Variants in SH3PXD2B observed in about 807,000 individuals in gnomAD.
The protein encoded by SH3PXD2B is SH3 and PX domain-containing protein 2B.
A neutral mutation model predicts 73.1 loss-of-function variants in SH3PXD2B; 37 were observed. The ratio of observed to expected loss-of-function variants is 0.51; its 90% CI spans 0.39 to 0.67. The LOEUF is 0.67. Ranked by LOEUF, SH3PXD2B falls within the 30% of genes least tolerant of loss-of-function variation. The pLI, the probability that SH3PXD2B is intolerant of heterozygous loss-of-function variation, is 0.00. For missense variants in SH3PXD2B, 1,053 were observed against 1,197.8 expected (o/e 0.88, Z 1.78); for synonymous variants, 457 against 480.5 (o/e 0.95, Z 0.64).
Position 172,338,134 on chromosome 5 carries a change from A to G in SH3PXD2B, c.*235T>C, listed in dbSNP as rs147011482. 1.9e-3 allele frequency: 2,691 copies of G among 1,430,160 alleles called. 5 individuals carry two copies. The highest frequency in any genetic ancestry group is 1.7e-3 in the Non-Finnish European group (1,889 of 1,097,998). The allele number at this position is 1,430,160 out of a possible 1,614,324, so 88.6% of individuals were successfully genotyped here. A position where few individuals can be genotyped will look rare whatever the true frequency, so the allele number is the denominator to read the frequency against. On this transcript the variant is annotated 3_prime_UTR_variant, in exon 13 of 13. Coordinates refer to ENST00000311601, the MANE Select transcript of SH3PXD2B (RefSeq NM_001017995.3). The surrounding 1 kb of genome is among the most constrained non-coding windows in gnomAD (Gnocchi z 5.1). ...AAGGCAGGGATGCTGACATGGACAG[A>G]AAGCAAAGGCTGTGGGTTCTGAGCC...
At chr5:172,395,372 A>G (rs895649202) in intron 3 of SH3PXD2B, among the ~76,000 whole-genome samples, 2 of 152,086 alleles carry the variant, frequency 1.3e-5, no homozygotes, top group African/African-American at 4.8e-5. Context: ...TTCCCCAGTT[A>G]GTGTTCGTAA....
intron 1 of SH3PXD2B, among the ~76,000 whole-genome samples, chr5:172,434,908 C>G (rs1759336321): frequency 6.6e-6 from 1 of 152,030 alleles, no homozygotes; most frequent in Non-Finnish European, 1.5e-5. Flanking sequence ...CTCAGTCTCC[C>G]AAGTAGCTGG....
In SH3PXD2B at chr5:172,336,852, G is replaced by C. The variant is rs1407885713; in HGVS notation, c.*1517C>G. ...GTCATGCCTCTCCAGACCTCAGTTT[G>C]ACAGATGACCACATCTGCCCTGGGT... is the stretch of plus-strand genomic sequence containing the variant. On this transcript the variant is annotated 3_prime_UTR_variant, in exon 13 of 13. Transcript: ENST00000311601. 1.3e-5 allele frequency: 13 copies of C among 985,352 alleles called. No homozygotes were observed. The highest frequency in any genetic ancestry group is 1.6e-5 in the Non-Finnish European group (13 of 829,980). 61.0% of individuals were successfully genotyped at this position (985,352 alleles called of 1,614,324 possible).
intron 9 of SH3PXD2B, among the ~76,000 whole-genome samples, chr5:172,352,990 A>G (rs1332854643): frequency 3.9e-5 from 6 of 152,032 alleles, no homozygotes; most frequent in Admixed American, 3.3e-4. Context: ...TCTGTGTACC[A>G]AAGTCCCCAT....
intron 1 of SH3PXD2B, among the ~76,000 whole-genome samples, chr5:172,447,104 G>C (rs1759686231): frequency 6.6e-6 from 1 of 152,248 alleles, no homozygotes; most frequent in South Asian, 2.1e-4. Context: ...TTTTAAAAAT[G>C]AGCATTTGCT....
At chr5:172,394,780 T>G in intron 3 of SH3PXD2B, 141 bp from the exon 4 acceptor site, 1 of 784,536 alleles carries the variant, frequency 1.3e-6, no homozygotes, top group Non-Finnish European at 2.1e-6. Context: ...GTACCCCCAC[T>G]GGACTTCCGT....
chr5:172,332,882 T>C (rs7727527), downstream of SH3PXD2B, among the ~76,000 whole-genome samples: 97,685 of 150,526 alleles, frequency 0.65, 31,905 homozygotes, highest in South Asian at 0.84. Context: ...GCTTGGGCAG[T>C]CTCTGCGGCC....
At chr5:172,387,735 G>C (rs1202047470) in intron 4 of SH3PXD2B, among the ~76,000 whole-genome samples, 1 of 152,210 alleles carries the variant, frequency 6.6e-6, no homozygotes, top group African/African-American at 2.4e-5. Context: ...TTGTATGTGT[G>C]ACAGGATTCA....
Position 172,339,771 on chromosome 5 carries a change from G to A in SH3PXD2B, c.1334C>T (p.Thr445Ile). The A allele has an allele frequency of 1.9e-6, 3 of 1,613,232 alleles. No homozygotes were observed. Among genetic ancestry groups the A allele is most frequent in the South Asian group, 2.2e-5 (2 of 91,076 alleles). ...NFLAPLPHEV[T>I]QLRLGEAAAL... ...TGCTGCTTCCCCCAGCCGGAGCTGG[G>A]TCACCTCGTGGGGCAGGGGAGCCAG... Residue 445 changes from threonine (T) to isoleucine (I), a missense_variant, in exon 13 of 13, where the codon ACC becomes ATC. Thr to Ile is a moderately conservative substitution (Grantham distance 89). Transcript: ENST00000311601. The surrounding 1 kb of genome is among the most constrained non-coding windows in gnomAD (Gnocchi z 6.1).
In SH3PXD2B at chr5:172,412,115, C is replaced by T. The variant is rs1004666394; in HGVS notation, c.157-5763G>A. Reference sequence around the variant, plus strand: ...CACTTAGCATAAGGTCCTCAAGCTCCATCCATTTTATAGCATGTGGCAGAA... The same window carrying T: ...CACTTAGCATAAGGTCCTCAAGCTCTATCCATTTTATAGCATGTGGCAGAA... On this transcript the variant is annotated intron_variant, in intron 2 of 12. Transcript: ENST00000311601. Among the ~76,000 whole-genome samples, 3 of 152,228 alleles carry T rather than the reference C, an allele frequency of 2.0e-5. No individual in the cohort carries two copies. In the East Asian group the frequency reaches 5.8e-4, roughly 29 times the overall value.
chr5:172,386,143 G>A (rs1758055445), intron 4 of SH3PXD2B, among the ~76,000 whole-genome samples: 1 of 152,178 alleles, frequency 6.6e-6, no homozygotes. Flanking sequence ...GTGAGATTCT[G>A]GCCAAGTCTC....
rs188476901 is a variant in SH3PXD2B at position 172,344,342 on chromosome 5, C to T, written c.1188+1794G>A. 7.3e-3 allele frequency among the ~76,000 whole-genome samples: 1,110 copies of T among 152,188 alleles called. 9 individuals are homozygous for T. Among genetic ancestry groups the T allele is most frequent in the African/African-American group, 0.025 (1,045 of 41,510 alleles). ...GTGGCTCACGCCTGTAATGCCAGAA[C>T]TTTGGGAGGCCGAGGTGGGCAGATC... On this transcript the variant is annotated intron_variant, in intron 12 of 12. Transcript: ENST00000311601.
chr5:172,379,313 TAAAAAAAA>T (rs11346663), intron 5 of SH3PXD2B, among the ~76,000 whole-genome samples: 1 of 112,860 alleles, frequency 8.9e-6, no homozygotes, highest in Non-Finnish European at 1.9e-5. Context: ...TACAAAAAAT[TAAAAAAAA>T]AAAAAAAAAA....
intron 1 of SH3PXD2B, among the ~76,000 whole-genome samples, chr5:172,444,479 C>A (rs2113512351): frequency 6.6e-6 from 1 of 152,342 alleles, no homozygotes; most frequent in East Asian, 1.9e-4. Flanking sequence ...GATTCAAAGA[C>A]ATAAAGCATG....
At chr5:172,418,643 G>C (rs529097788) in intron 2 of SH3PXD2B, among the ~76,000 whole-genome samples, 1 of 152,190 alleles carries the variant, frequency 6.6e-6, no homozygotes, top group Admixed American at 6.5e-5. Context: ...TCCCTGCTGG[G>C]GTGTGTGTGG....
chr5:172,357,452 G>A (rs1757306794), intron 8 of SH3PXD2B, among the ~76,000 whole-genome samples: 1 of 152,012 alleles, frequency 6.6e-6, no homozygotes, highest in East Asian at 1.9e-4. Flanking sequence ...ACTACCTGTG[G>A]TCGAGGGAAG....
At chr5:172,387,279 T>C (rs1361093958) in intron 4 of SH3PXD2B, among the ~76,000 whole-genome samples, 1 of 152,226 alleles carries the variant, frequency 6.6e-6, no homozygotes, top group Admixed American at 6.5e-5. Context: ...TCATTGAGAA[T>C]GAACACTGGT....
intron 4 of SH3PXD2B, among the ~76,000 whole-genome samples, chr5:172,386,695 T>C (rs1461085225): frequency 6.6e-6 from 1 of 152,190 alleles, no homozygotes; most frequent in Non-Finnish European, 1.5e-5. Flanking sequence ...CGGGGTGGGA[T>C]CTCAGCTCAC....
chr5:172,352,763 A>G (rs1757184800), intron 9 of SH3PXD2B, among the ~76,000 whole-genome samples: 1 of 152,180 alleles, frequency 6.6e-6, no homozygotes, highest in Non-Finnish European at 1.5e-5. Context: ...GCTATGTAAG[A>G]AATGCTTTTC....
Sources: gnomAD v4.1 joint callset for allele counts (sites outside exome capture counted in the v4.1 genomes callset) on GRCh38, gnomAD v4.1.1 for gene constraint, Gnocchi (gnomAD v3.1) non-coding constraint, MANE v1.5 for transcripts, NCBI Gene and HGNC (gene_info 2026-07-23, HGNC 2026-07-21) for gene names.